The following ERVW-1 variants were observed in gnomAD, a reference collection of about 807,000 sequenced individuals.
ERVW-1 encodes endogenous retrovirus group W member 1, envelope.
A neutral mutation model predicts 16.6 loss-of-function variants in ERVW-1; 21 were observed. The ratio of observed to expected loss-of-function variants is 1.26; its 90% CI spans 0.90 to 1.82. ERVW-1 has a LOEUF of 1.82. Among genes scored for constraint, ERVW-1 ranks in the 40% most tolerant of loss-of-function variants. ERVW-1 has a pLI of 0.00. For missense variants in ERVW-1, 412 were observed against 300.2 expected (o/e 1.37, Z -2.75); for synonymous variants, 161 against 109.8 (o/e 1.47, Z -2.92).
Position 92,468,900 on chromosome 7 carries a change from C to A in ERVW-1, c.1482G>T (p.Lys494Asn). ...CCAGGGGTCTGCGGTAGATCTTAGT[C>A]TTGGACTGCATCTTGGGCTCCATTT... ...KLQMEPKMQSKTKIYRRPLDR... is the reference protein window; with the variant it reads ...KLQMEPKMQSNTKIYRRPLDR... Residue 494 changes from lysine to asparagine, a missense_variant, in exon 2 of 2, where the codon AAG becomes AAT. By Grantham distance (94) the Lys-to-Asn change is moderately conservative (BLOSUM62 0). Transcript: ENST00000603053. 1.3e-6 allele frequency: 1 copy of A among 764,266 alleles called. No homozygotes were observed. Among genetic ancestry groups the A allele is most frequent in the Non-Finnish European group, 2.4e-6 (1 of 417,870 alleles). The allele number at this position is 764,266 out of a possible 1,614,324, so 47.3% of individuals were successfully genotyped here.
rs751548935 is a variant in ERVW-1, at chr7:92,469,386, T to C, written c.996A>G (p.Ala332=). The C allele has an allele frequency of 2.6e-6, 2 of 770,670 alleles. No individual in the cohort carries two copies. Among genetic ancestry groups the C allele is most frequent in the South Asian group, 2.7e-5 (2 of 74,492 alleles). The allele number at this position is 770,670 out of a possible 1,614,324, so 47.7% of individuals were successfully genotyped here. Residue 332 remains alanine, a synonymous_variant, in exon 2 of 2, where the codon GCA becomes GCG. Transcript: ENST00000603053. ...TGATACCGCCAATGCCAGTACCTAG[T>C]GCACCTAGCACTCCTGCTCCTATAA... ...PFVIGAGVLG[A]LGTGIGGITT...
Position 92,477,799 on chromosome 7 carries a change from G to A in ERVW-1, c.-645C>T. On this transcript the variant is annotated 5_prime_UTR_variant, in exon 1 of 2. Coordinates refer to ENST00000603053, the MANE Select transcript of ERVW-1 (RefSeq NM_001130925.2). Reference sequence around the variant, plus strand: ...GAGTCAGCGGCAGGTCTGCGGTGGTGGCAAACAGCAGTGGTGGACGGTGAG... The same window carrying A: ...GAGTCAGCGGCAGGTCTGCGGTGGTAGCAAACAGCAGTGGTGGACGGTGAG... 5.5e-6 allele frequency: 1 copy of A among 181,414 alleles called. No homozygotes were observed. The highest frequency in any genetic ancestry group is 1.5e-4 in the South Asian group (1 of 6,620). 11.2% of individuals were successfully genotyped at this position (181,414 alleles called of 1,614,324 possible).
In ERVW-1 at chr7:92,477,780, G is replaced by T; in HGVS notation, c.-626C>A. The T allele has an allele frequency of 5.5e-6, 1 of 182,332 alleles. No homozygotes were observed. The highest frequency in any genetic ancestry group is 1.1e-5 in the Non-Finnish European group (1 of 91,518). 11.3% of individuals were successfully genotyped at this position (182,332 alleles called of 1,614,324 possible). On this transcript the variant is annotated 5_prime_UTR_variant, in exon 1 of 2. In the 5' UTR this introduces an upstream ATG that the reference lacks. Transcript: ENST00000603053. ...GCAGGATCCAGAGGGATGGGAGTCA[G>T]CGGCAGGTCTGCGGTGGTGGCAAAC...
chr7:92,471,776 C>T (rs1790361761), intron 1 of ERVW-1: 1 of 152,166 alleles, frequency 6.6e-6, no homozygotes, highest in African/African-American at 2.4e-5. Context: ...TAATGGCTTC[C>T]TGATGTTTGA....
chr7:92,473,643 T>C (rs1790432316), intron 1 of ERVW-1, among the ~76,000 whole-genome samples: 1 of 151,686 alleles, frequency 6.6e-6, no homozygotes, highest in South Asian at 2.1e-4. Context: ...TAGAAAAGCA[T>C]GTGAAAAGAA....
chr7:92,477,144 G>T (rs1790577536), intron 1 of ERVW-1, among the ~76,000 whole-genome samples: 1 of 152,164 alleles, frequency 6.6e-6, no homozygotes, highest in African/African-American at 2.4e-5. Context: ...CCTCTAGTCG[G>T]CCCTCGGCTT....
rs1196293716 is a variant in ERVW-1 at position 92,470,074 on chromosome 7, G to C, written c.308C>G (p.Thr103Ser). 1.3e-6 allele frequency: 1 copy of C among 778,824 alleles called. No homozygotes were observed. The highest frequency in any genetic ancestry group is 2.4e-6 in the Non-Finnish European group (1 of 417,960). 48.2% of individuals were successfully genotyped at this position (778,824 alleles called of 1,614,324 possible). A position where few individuals can be genotyped will look rare whatever the true frequency, so the allele number is the denominator to read the frequency against. Residue 103 changes from threonine to serine, a missense_variant, in exon 2 of 2, where the codon ACT becomes AGT. By Grantham distance (58) the Thr-to-Ser change is moderately conservative. Transcript: ENST00000603053. ...TTGGGTGAAGTAAGTCCAACAGACA[G>C]TGACTCCAAGTCCTCCAGGACAACT... ...NPSCPGGLGV[T>S]VCWTYFTQTG...
intron 1 of ERVW-1, chr7:92,473,178 G>A (rs989005732): frequency 2.6e-5 from 4 of 152,156 alleles, no homozygotes; most frequent in African/African-American, 7.2e-5. Context: ...TGCTTCCTCT[G>A]GTATTTGGGA....
chr7:92,471,677 T>C (rs1790357832), intron 1 of ERVW-1: 1 of 151,766 alleles, frequency 6.6e-6, no homozygotes, highest in Admixed American at 6.5e-5. Context: ...GGCAGTTCTC[T>C]TCTATTTCCC....
rs773682100 is a variant in ERVW-1 at position 92,469,058 on chromosome 7, T to C, written c.1324A>G (p.Ser442Gly). 1.4e-6 allele frequency: 1 copy of C among 706,344 alleles called. No individual in the cohort carries two copies. The highest frequency in any genetic ancestry group is 1.5e-5 in the South Asian group (1 of 68,426). 43.8% of individuals were successfully genotyped at this position (706,344 alleles called of 1,614,324 possible). A position where few individuals can be genotyped will look rare whatever the true frequency, so the allele number is the denominator to read the frequency against. ...LRNTGPWGLL[S>G]QWMPWILPFL... is the part of the protein sequence containing the mutation. ...GGGAGAATCCAGGGCATCCATTGGC[T>C]GAGGAGGCCCCAGGGTCCAGTGTTT... Residue 442 changes from serine to glycine, a missense_variant, in exon 2 of 2, where the codon AGC (serine) becomes GGC (glycine). Physicochemically the swap from Ser to Gly is moderately conservative, Grantham distance 56. Transcript: ENST00000603053.
At chr7:92,471,681 A>G (rs1411081305) in intron 1 of ERVW-1, 2 of 151,942 alleles carry the variant, frequency 1.3e-5, no homozygotes, top group Non-Finnish European at 2.9e-5. Flanking sequence ...GTTCTCTTCT[A>G]TTTCCCTTTC....
At position 92,469,344 on chromosome 7, in the gene ERVW-1, G is replaced by C. The variant is rs1445514346; in HGVS notation, c.1038C>G (p.Phe346Leu). ...TTAGTTCTTGAGATAGTTTGTAGTA[G>C]AACTGAGTAGAGGTTGTGATACCGC... ...GIGGITTSTQ[F>L]YYKLSQELNG... Residue 346 changes from phenylalanine (F) to leucine (L), a missense_variant, in exon 2 of 2, where the codon TTC becomes TTG. Transcript: ENST00000603053. The C allele has an allele frequency of 1.3e-6, 1 of 765,300 alleles. No homozygotes were observed. The highest frequency in any genetic ancestry group is 2.4e-6 in the Non-Finnish European group (1 of 417,892). The allele number at this position is 765,300 out of a possible 1,614,324, so 47.4% of individuals were successfully genotyped here.
chr7:92,473,300 A>G (rs1790418533), intron 1 of ERVW-1: 1 of 152,040 alleles, frequency 6.6e-6, no homozygotes, highest in Admixed American at 6.6e-5. Context: ...GTACTCCTAA[A>G]ATTGGAGTAC....
chr7:92,474,427 G>A (rs934052145), intron 1 of ERVW-1, among the ~76,000 whole-genome samples: 1 of 152,154 alleles, frequency 6.6e-6, no homozygotes, highest in Non-Finnish European at 1.5e-5. Flanking sequence ...CTGTGTTATG[G>A]TGGACATCAT....
chr7:92,469,774 G>A lies in ERVW-1; in HGVS notation c.608C>T (p.Pro203Leu), dbSNP rs771821937. 3.9e-6 allele frequency: 3 copies of A among 764,542 alleles called. No homozygotes were observed. The Admixed American group carries it at 5.1e-5, about 13-fold the overall frequency. The allele number at this position is 764,542 out of a possible 1,614,324, so 47.4% of individuals were successfully genotyped here. Residue 203 changes from proline to leucine, a missense_variant, in exon 2 of 2, where the codon CCT (proline) becomes CTT (leucine). Transcript: ENST00000603053. ...TGTGCTGAAGTTGTTCCATTGTTCA[G>A]GTACAGGGATTGAAACATATGGCCT... Reference protein sequence around the residue: ...NFRPYVSIPVPEQWNNFSTEI... With the variant: ...NFRPYVSIPVLEQWNNFSTEI...
chr7:92,476,971 A>T (rs903400572), intron 1 of ERVW-1, among the ~76,000 whole-genome samples: 1 of 152,154 alleles, frequency 6.6e-6, no homozygotes, highest in Admixed American at 6.5e-5. Context: ...TTCAGAGGTA[A>T]GGAGAATTTT....
chr7:92,469,675 G>A lies in ERVW-1; in HGVS notation c.707C>T (p.Thr236Ile), dbSNP rs1454741921. ...TGTAGTATTGCTAAATTTTACACAG[G>A]TGAGGTTTGAGGTATGGGTTATTTC... Reference protein sequence around the residue: ...NLEITHTSNLTCVKFSNTTYT... With the variant: ...NLEITHTSNLICVKFSNTTYT... The change falls in exon 2 of 2, where the codon ACC becomes ATC. Residue 236 changes from threonine (T) to isoleucine (I), a missense_variant. By Grantham distance (89) the Thr-to-Ile change is moderately conservative. Coordinates refer to ENST00000603053, the MANE Select transcript of ERVW-1 (RefSeq NM_001130925.2). The A allele has an allele frequency of 1.3e-6, 1 of 764,438 alleles. No homozygotes were observed. The highest frequency in any genetic ancestry group is 2.4e-6 in the Non-Finnish European group (1 of 417,878). The allele number at this position is 764,438 out of a possible 1,614,324, so 47.4% of individuals were successfully genotyped here. A position where few individuals can be genotyped will look rare whatever the true frequency, so the allele number is the denominator to read the frequency against.
At position 92,470,416 on chromosome 7, in the gene ERVW-1, T is replaced by G. The variant is rs746489757; in HGVS notation, c.-35A>C. The G allele has an allele frequency of 3.3e-5, 22 of 659,856 alleles. No individual in the cohort carries two copies. The highest frequency in any genetic ancestry group is 3.1e-4 in the Admixed American group (12 of 38,402). 40.9% of individuals were successfully genotyped at this position (659,856 alleles called of 1,614,324 possible). A position where few individuals can be genotyped will look rare whatever the true frequency, so the allele number is the denominator to read the frequency against. On this transcript the variant is annotated 5_prime_UTR_variant, in exon 2 of 2. Coordinates refer to ENST00000603053, the MANE Select transcript of ERVW-1 (RefSeq NM_001130925.2). ...TGATTTTAGTTACTTTCCTCCTGGT[T>G]GTTGTTTGAAGAGCAGGCGCAAATC...
chr7:92,469,519 C>T lies in ERVW-1; in HGVS notation c.863G>A (p.Cys288Tyr). Residue 288 changes from cysteine to tyrosine, a missense_variant, in exon 2 of 2, where the codon TGC becomes TAC. Physicochemically the swap from Cys to Tyr is radical, Grantham distance 194 (BLOSUM62 -2). Coordinates refer to ENST00000603053, the MANE Select transcript of ERVW-1 (RefSeq NM_001130925.2). ...AGGGGGCACTAAGAATGAGAGGAAG[C>T]ACATAGATTCTGAAGAGCCATTCAA... ...RCLNGSSESMCFLSFLVPPMT... is the reference protein window; with the variant it reads ...RCLNGSSESMYFLSFLVPPMT... The T allele has an allele frequency of 1.3e-6, 1 of 768,122 alleles. No individual in the cohort carries two copies. Among genetic ancestry groups the T allele is most frequent in the South Asian group, 1.4e-5 (1 of 74,036 alleles). 47.6% of individuals were successfully genotyped at this position (768,122 alleles called of 1,614,324 possible). A position where few individuals can be genotyped will look rare whatever the true frequency, so the allele number is the denominator to read the frequency against.
Sources: gnomAD v4.1 joint callset for allele counts (sites outside exome capture counted in the v4.1 genomes callset) on GRCh38, gnomAD v4.1.1 for gene constraint, MANE v1.5 for transcripts, NCBI Gene and HGNC (gene_info 2026-07-23, HGNC 2026-07-21) for gene names.